Variants in SPTAN1 observed in about 807,000 individuals in gnomAD.
SPTAN1 encodes spectrin alpha chain, non-erythrocytic 1.
In SPTAN1, 61 loss-of-function variants were observed where a neutral mutation model predicts 331.3. The observed-to-expected ratio is 0.18, with a 90% confidence interval of 0.15 to 0.23. The LOEUF (loss-of-function observed/expected upper bound fraction) is 0.23. Among genes scored for constraint, SPTAN1 ranks in the 10% least tolerant of loss-of-function variants. The pLI, the probability that SPTAN1 is intolerant of heterozygous loss-of-function variation, is 1.00. For missense variants in SPTAN1, 2,043 were observed against 3,147.9 expected, an observed-to-expected ratio of 0.65 and a Z score of 8.40; for synonymous variants, 1,153 against 1,173.9, an observed-to-expected ratio of 0.98 and a Z score of 0.36.
chr9:128,608,894 G>A lies in SPTAN1; in HGVS notation c.4512G>A (p.Leu1504=). 1.2e-6 allele frequency: 2 copies of A among 1,614,162 alleles called. No homozygotes were observed. Among genetic ancestry groups the A allele is most frequent in the Non-Finnish European group, 1.7e-6 (2 of 1,180,036 alleles). Residue 1504 remains leucine, a synonymous_variant, in exon 35 of 57, where the codon CTG becomes CTA. Transcript: ENST00000372739. ...INVQEEKIAA[L]QAFADQLIAA... Reference sequence around the variant, plus strand: ...GACAGGAAGAGAAGATTGCTGCTCTGCAGGCCTTTGCCGACCAGCTCATCG... The same window carrying A: ...GACAGGAAGAGAAGATTGCTGCTCTACAGGCCTTTGCCGACCAGCTCATCG...
At chr9:128,591,713 G>A in intron 22 of SPTAN1, 88 bp downstream of exon 22, 6 of 1,542,016 alleles carry the variant, frequency 3.9e-6, no homozygotes, top group Non-Finnish European at 5.3e-6. Context: ...GTGTCCTGAG[G>A]CTCCTGGAGC....
intron 39 of SPTAN1, among the ~76,000 whole-genome samples, 177 bp from the exon 40 acceptor site, chr9:128,613,204 G>A (rs573161912): frequency 6.6e-6 from 1 of 152,328 alleles, no homozygotes; most frequent in East Asian, 1.9e-4. Context: ...AGTGGAGAGA[G>A]TGTCTCAGGC....
At chr9:128,594,500 G>A (rs1176234456) in intron 24 of SPTAN1, 127 bp downstream of exon 24, 7 of 886,054 alleles carry the variant, frequency 7.9e-6, no homozygotes, top group Middle Eastern at 3.6e-4. Flanking sequence ...GTATGACTTC[G>A]GCTCACTGCA....
rs533225969 is a variant in SPTAN1 at position 128,612,306 on chromosome 9, G to A, written c.5043+60G>A. On this transcript the variant is annotated intron_variant, in intron 39 of 56. Coordinates refer to ENST00000372739, the MANE Select transcript of SPTAN1 (RefSeq NM_001130438.3). ...GGATTTCTAGTCATTTGGCACAGTG[G>A]GTCCATCAGTGCCCAAAACCACGAA... The A allele has an allele frequency of 7.0e-4, 1,135 of 1,610,514 alleles. 4 individuals carry two copies. The highest frequency in any genetic ancestry group is 5.9e-3 in the Middle Eastern group (35 of 5,904).
At chr9:128,587,774 C>T in intron 20 of SPTAN1, 76 bp downstream of exon 20, 1 of 1,176,438 alleles carries the variant, frequency 8.5e-7, no homozygotes, top group Non-Finnish European at 1.3e-6. Flanking sequence ...GTGTTCCTAT[C>T]ATAGGCCCCA....
chr9:128,598,621 G>A, intron 25 of SPTAN1, 117 bp downstream of exon 25: 2 of 899,202 alleles, frequency 2.2e-6, no homozygotes, highest in Non-Finnish European at 3.6e-6. Flanking sequence ...TGGCTTGGCT[G>A]TAGGTCAGGT....
chr9:128,622,594 C>G (rs1384952219), intron 45 of SPTAN1, among the ~76,000 whole-genome samples: 3 of 152,056 alleles, frequency 2.0e-5, no homozygotes, highest in African/African-American at 7.2e-5. Flanking sequence ...CCACCACCCC[C>G]GGCCAGCGAG....
chr9:128,595,647 G>C (rs1384989796), intron 24 of SPTAN1, among the ~76,000 whole-genome samples: 1 of 151,942 alleles, frequency 6.6e-6, no homozygotes, highest in African/African-American at 2.4e-5. Flanking sequence ...ACCACCTCTA[G>C]TTCCGAAACA....
intron 31 of SPTAN1, 77 bp downstream of exon 31, chr9:128,605,554 A>G: frequency 6.4e-7 from 1 of 1,563,282 alleles, no homozygotes; most frequent in African/African-American, 1.4e-5. Flanking sequence ...TGAAAATAGT[A>G]CATGCTCAGC....
At chr9:128,563,007 T>C (rs866488981) in intron 1 of SPTAN1, among the ~76,000 whole-genome samples, 3,238 of 133,570 alleles carry the variant, frequency 0.024, 126 homozygotes, top group African/African-American at 0.085. Flanking sequence ...TATATATATA[T>C]ATATATATAT....
At chr9:128,630,140 G>C (rs1171121361) in intron 51 of SPTAN1, 181 bp from the exon 52 acceptor site, 1 of 776,524 alleles carries the variant, frequency 1.3e-6, no homozygotes, top group African/African-American at 1.7e-5. Flanking sequence ...CGGGAGAAAT[G>C]CTCCCTGCCA....
At chr9:128,611,931 T>A (rs1856616297) in intron 38 of SPTAN1, 86 bp downstream of exon 38, 1 of 1,608,204 alleles carries the variant, frequency 6.2e-7, no homozygotes, top group African/African-American at 1.3e-5. Flanking sequence ...CATACAGTCT[T>A]AAGACACTAA....
chr9:128,579,556 T>G, intron 9 of SPTAN1, 81 bp from the exon 10 acceptor site: 1 of 1,081,612 alleles, frequency 9.2e-7, no homozygotes, highest in East Asian at 2.4e-5. Context: ...TGGCTTATAA[T>G]GCTTATGTAA....
rs1342100251 is a variant in SPTAN1 at position 128,605,445 on chromosome 9, C to T, written c.4014C>T (p.Ser1338=). 1.2e-6 allele frequency: 2 copies of T among 1,614,140 alleles called. No individual in the cohort carries two copies. The highest frequency in any genetic ancestry group is 1.7e-6 in the Non-Finnish European group (2 of 1,180,016). The change falls in exon 31 of 57, where the codon TCC becomes TCT. Residue 1338 remains serine, a synonymous_variant. Transcript: ENST00000372739. ...AGCGCAAGGCAAAGTTGGGTGACTC[C>T]CACGACCTGCAGCGCTTCCTTAGCG... ...ADQRKAKLGD[S]HDLQRFLSDF...
intron 37 of SPTAN1, 178 bp from the exon 38 acceptor site, chr9:128,611,536 C>T: frequency 1.4e-6 from 1 of 717,824 alleles, no homozygotes; most frequent in Admixed American, 2.2e-5. Flanking sequence ...TGCTAACTCC[C>T]CAAGAGATGA....
Position 128,583,213 on chromosome 9 carries a change from AAG to A in SPTAN1, c.1944_1945del (p.Glu648AspfsTer7). ...GATGTCAACCACTATGCCAAGGATG[AAG>A]TGGCAGCTCGTATGAATGAGGTGAT... On this transcript the variant is annotated frameshift_variant, in exon 15 of 57. Coordinates refer to ENST00000372739, the MANE Select transcript of SPTAN1 (RefSeq NM_001130438.3). LOFTEE classifies it high-confidence loss of function. 6.2e-7 allele frequency: 1 copy of A among 1,614,102 alleles called. No homozygotes were observed. The highest frequency in any genetic ancestry group is 1.1e-5 in the South Asian group (1 of 91,090).
intron 31 of SPTAN1, among the ~76,000 whole-genome samples, 158 bp from the exon 32 acceptor site, chr9:128,607,446 T>C (rs1437372493): frequency 6.6e-6 from 1 of 152,218 alleles, no homozygotes; most frequent in African/African-American, 2.4e-5. Context: ...ACAAGAAGTT[T>C]TTTAACACTT....
chr9:128,620,256 A>G (rs571478742), intron 44 of SPTAN1, among the ~76,000 whole-genome samples: 1 of 152,324 alleles, frequency 6.6e-6, no homozygotes, highest in East Asian at 1.9e-4. Flanking sequence ...CACTCCCAGG[A>G]ATCGAGTTAG....
chr9:128,624,918 A>G, intron 46 of SPTAN1, 185 bp from the exon 47 acceptor site: 2 of 670,502 alleles, frequency 3.0e-6, no homozygotes, highest in Non-Finnish European at 5.4e-6. Context: ...GGAGCTCGTC[A>G]TGGCACAGAT....
Sources: gnomAD v4.1 joint callset for allele counts (sites outside exome capture counted in the v4.1 genomes callset) on GRCh38, gnomAD v4.1.1 for gene constraint, MANE v1.5 for transcripts, NCBI Gene and HGNC (gene_info 2026-07-23, HGNC 2026-07-21) for gene names.